The following DTNA variants were observed in gnomAD, a reference collection of about 807,000 sequenced individuals.
The protein encoded by DTNA is dystrophin-related protein 3.
DTNA carries 43 observed loss-of-function variants against 100.7 expected under a neutral mutation model. The ratio of observed to expected loss-of-function variants is 0.43; its 90% confidence interval spans 0.33 to 0.55. The LOEUF (loss-of-function observed/expected upper bound fraction) is 0.55, where lower values mean the gene tolerates loss of function less well. DTNA is among the 20% of genes least tolerant of loss of function. DTNA has a pLI of 0.04. For missense variants in DTNA, 798 were observed against 953.9 expected (o/e 0.84, Z 2.15); for synonymous variants, 349 against 347.9 (o/e 1.00, Z -0.04).
intron 17 of DTNA, among the ~76,000 whole-genome samples, chr18:34,864,542 C>T (rs1457214182): frequency 6.6e-6 from 1 of 152,196 alleles, no homozygotes; most frequent in Admixed American, 6.5e-5. Context: ...CGTGAGCCAC[C>T]GCGCCCGGCC....
In DTNA at chr18:34,605,633, GCACACACACACACACACACA is replaced by G. The variant is rs3078088; in HGVS notation, c.-2+112140_-2+112159del. Among the ~76,000 whole-genome samples, 10 of 142,332 alleles carry G rather than the reference GCACACACACACACACACACA, an allele frequency of 7.0e-5. No individual in the cohort carries two copies. The East Asian group carries it at 8.6e-4, about 12-fold the overall frequency. The allele number at this position is 142,332 out of a possible 152,430, so 93.4% of individuals were successfully genotyped here. A position where few individuals can be genotyped will look rare whatever the true frequency, so the allele number is the denominator to read the frequency against. On this transcript the variant is annotated intron_variant, in intron 1 of 19. Coordinates refer to the DTNA transcript ENST00000283365. Reference sequence around the variant, plus strand: ...GCAAACCATCAAAATTGCAACTCAGGCACACACACACACACACACACACACACACACACACACACAGTGCT... The same window carrying G: ...GCAAACCATCAAAATTGCAACTCAGGCACACACACACACACACACAGTGCT...
At chr18:34,869,859 A>C (rs1333809386) in intron 17 of DTNA, among the ~76,000 whole-genome samples, 2 of 152,148 alleles carry the variant, frequency 1.3e-5, no homozygotes, top group Non-Finnish European at 2.9e-5. Context: ...GTCTCTACTA[A>C]AAATACAAAA....
chr18:34,707,527 C>T (rs2082270288), upstream of DTNA, among the ~76,000 whole-genome samples: 1 of 152,084 alleles, frequency 6.6e-6, no homozygotes, highest in Non-Finnish European at 1.5e-5. Flanking sequence ...TTCTGTTTGG[C>T]AATCAATCAT....
chr18:34,835,304 C>T (rs928303130), intron 11 of DTNA, among the ~76,000 whole-genome samples: 15 of 152,158 alleles, frequency 9.9e-5, no homozygotes, highest in Admixed American at 5.9e-4. Context: ...GTGTAACTCC[C>T]ATATTTTCCA....
intron 1 of DTNA, among the ~76,000 whole-genome samples, chr18:34,719,798 A>G (rs1283858779): frequency 6.6e-6 from 1 of 152,186 alleles, no homozygotes; most frequent in African/African-American, 2.4e-5. Context: ...TGCCCTTATA[A>G]ATTGGAGAAA....
rs549041601 is a variant in DTNA, at chr18:34,504,759, C to CT, written c.-2+11251dup. Among the ~76,000 whole-genome samples, 943 of 152,208 alleles carry CT rather than the reference C, an allele frequency of 6.2e-3. 4 individuals carry two copies. Among genetic ancestry groups the CT allele is most frequent in the Middle Eastern group, 0.01 (3 of 294 alleles). ...CATTTCTCTCTTGCTGTTTATAAAACTTTTTTGTCTTTAATTTTCATAAAT... is the reference window on the plus strand; with the variant it reads ...CATTTCTCTCTTGCTGTTTATAAAACTTTTTTTGTCTTTAATTTTCATAAAT... On this transcript the variant is annotated intron_variant, in intron 1 of 19. Transcript: ENST00000283365.
intron 1 of DTNA, among the ~76,000 whole-genome samples, chr18:34,687,609 T>C (rs2079095927): frequency 6.6e-6 from 1 of 152,242 alleles, no homozygotes; most frequent in African/African-American, 2.4e-5. Context: ...GAGAAGAATG[T>C]ATATTCTGTT....
At chr18:34,632,525 T>C (rs920100067) in intron 1 of DTNA, among the ~76,000 whole-genome samples, 3 of 152,214 alleles carry the variant, frequency 2.0e-5, no homozygotes, top group African/African-American at 7.2e-5. Flanking sequence ...GCTTGAACTC[T>C]TGTCCCCTGT....
At chr18:34,732,827 G>A (rs1016363340) in intron 1 of DTNA, among the ~76,000 whole-genome samples, 2 of 152,140 alleles carry the variant, frequency 1.3e-5, no homozygotes, top group Non-Finnish European at 2.9e-5. Flanking sequence ...CAACATTTGC[G>A]ATATACCTGT....
In DTNA at chr18:34,827,570, A is replaced by T. The variant is rs1208304331; in HGVS notation, c.1002-23A>T. 4 of 1,611,596 alleles carry T rather than the reference A, an allele frequency of 2.5e-6. No individual in the cohort carries two copies. The South Asian group carries it at 4.4e-5, about 18-fold the overall frequency. ...TGACTTTTATTTGTTTTAACTTTCC[A>T]TTCACCCTGTGTTTTGTTTTAGGCC... is the stretch of plus-strand genomic sequence containing the variant. On this transcript the variant is annotated intron_variant, in intron 9 of 22. Coordinates refer to ENST00000444659, the MANE Select transcript of DTNA (RefSeq NM_001386795.1).
chr18:34,715,697 C>T (rs1288892921), intron 1 of DTNA, among the ~76,000 whole-genome samples: 1 of 151,452 alleles, frequency 6.6e-6, no homozygotes, highest in Admixed American at 6.6e-5. Flanking sequence ...ACCTCAAAGA[C>T]AAAAATCATA....
At chr18:34,695,498 G>A (rs1200411051) in intron 1 of DTNA, among the ~76,000 whole-genome samples, 1 of 152,118 alleles carries the variant, frequency 6.6e-6, no homozygotes, top group Non-Finnish European at 1.5e-5. Flanking sequence ...AACCAGTGGA[G>A]GCGCTAACCA....
chr18:34,666,177 G>A (rs1021600903), intron 1 of DTNA, among the ~76,000 whole-genome samples: 20 of 152,148 alleles, frequency 1.3e-4, no homozygotes, highest in African/African-American at 4.6e-4. Context: ...GGCCAGTGAT[G>A]ATGAGCATTT....
chr18:34,632,304 T>A (rs2058175252), intron 1 of DTNA, among the ~76,000 whole-genome samples: 1 of 152,162 alleles, frequency 6.6e-6, no homozygotes, highest in African/African-American at 2.4e-5. Flanking sequence ...AAGCTTATGT[T>A]CCCCTATGTT....
intron 1 of DTNA, among the ~76,000 whole-genome samples, chr18:34,547,227 T>C (rs2044881779): frequency 6.6e-6 from 1 of 152,118 alleles, no homozygotes; most frequent in South Asian, 2.1e-4. Context: ...AAGCAAAATA[T>C]ATACATATTT....
chr18:34,609,878 C>A (rs1568011468), intron 1 of DTNA, among the ~76,000 whole-genome samples: 1 of 152,082 alleles, frequency 6.6e-6, no homozygotes, highest in African/African-American at 2.4e-5. Flanking sequence ...AAATTCTAAA[C>A]CATCAAGAAT....
chr18:34,876,149 A>G (rs917676458), intron 18 of DTNA, among the ~76,000 whole-genome samples: 1 of 152,206 alleles, frequency 6.6e-6, no homozygotes, highest in African/African-American at 2.4e-5. Context: ...GTAAATAGAT[A>G]TGTTTAAGGA....
intron 2 of DTNA, among the ~76,000 whole-genome samples, chr18:34,763,185 C>T (rs1362341090): frequency 6.6e-6 from 1 of 152,164 alleles, no homozygotes; most frequent in Non-Finnish European, 1.5e-5. Flanking sequence ...TGAGACTCTC[C>T]TGATTGCTGA....
rs2096776953 is a variant in DTNA at position 34,872,658 on chromosome 18, T to C, written c.1744-2581T>C. 2.6e-5 allele frequency among the ~76,000 whole-genome samples: 4 copies of C among 152,272 alleles called. No homozygotes were observed. In the South Asian group the frequency reaches 8.3e-4, roughly 32 times the overall value. ...CCAATTGATAAACAGTCCAAGGCCC[T>C]CCCATCACCCTGAGCACCCATACAT... On this transcript the variant is annotated intron_variant, in intron 17 of 22. Coordinates refer to ENST00000444659, the MANE Select transcript of DTNA (RefSeq NM_001386795.1).
Sources: gnomAD v4.1 joint callset for allele counts (sites outside exome capture counted in the v4.1 genomes callset) on GRCh38, gnomAD v4.1.1 for gene constraint, MANE v1.5 for transcripts, NCBI Gene and HGNC (gene_info 2026-07-23, HGNC 2026-07-21) for gene names.